EFCAB8: variants seen among roughly 807,000 people sequenced by gnomAD.
The protein encoded by EFCAB8 is EF-hand calcium-binding domain-containing protein 8.
A neutral mutation model predicts 116.3 loss-of-function variants in EFCAB8; 100 were observed. That is an observed-to-expected ratio of 0.86 (90% CI 0.73 to 1.02). The LOEUF (loss-of-function observed/expected upper bound fraction) is 1.02. Among genes scored for constraint, EFCAB8 ranks in the 50% least tolerant of loss-of-function variants. The pLI, the probability that EFCAB8 is intolerant of heterozygous loss-of-function variation, is 0.00. For missense variants in EFCAB8, 1,320 were observed against 1,416.9 expected (o/e 0.93, Z 1.10); for synonymous variants, 558 against 567.9 (o/e 0.98, Z 0.25).
intron 6 of EFCAB8, among the ~76,000 whole-genome samples, chr20:32,888,100 G>A (rs1317701345): frequency 1.3e-5 from 2 of 150,792 alleles, no homozygotes; most frequent in Non-Finnish European, 2.9e-5. Context: ...GTCTTGCTCT[G>A]TCACCCAGGC....
chr20:32,860,493 CTTTTTTTTT>C (rs71190881), intron 1 of EFCAB8, among the ~76,000 whole-genome samples: 46 of 83,984 alleles, frequency 5.5e-4, no homozygotes, highest in African/African-American at 2.7e-3. Context: ...ATGGTGGTAA[CTTTTTTTTT>C]TTTTTTTTTT....
chr20:32,869,793 T>C (rs1380102255), intron 3 of EFCAB8, among the ~76,000 whole-genome samples: 1 of 152,216 alleles, frequency 6.6e-6, no homozygotes, highest in Non-Finnish European at 1.5e-5. Context: ...TACTTTTCAC[T>C]TAATGCTAAT....
intron 22 of EFCAB8, among the ~76,000 whole-genome samples, chr20:32,937,086 T>C (rs1988149306): frequency 6.6e-6 from 1 of 152,066 alleles, no homozygotes; most frequent in African/African-American, 2.4e-5. Flanking sequence ...TAATTTTATA[T>C]TGTATTTATT....
At chr20:32,939,125 C>CCCTTTCTT (rs779654750) in intron 22 of EFCAB8, among the ~76,000 whole-genome samples, 1,229 of 56,592 alleles carry the variant, frequency 0.022, 200 homozygotes, top group Middle Eastern at 0.08. Flanking sequence ...CTCTTTCTTT[C>CCCTTTCTT]TCTTTCTTTC....
In EFCAB8 at chr20:32,917,329, T is replaced by G; in HGVS notation, c.1885T>G (p.Cys629Gly). The change falls in exon 18 of 27, where the codon TGC (cysteine) becomes GGC (glycine). Residue 629 changes from cysteine to glycine, a missense_variant. Cys to Gly is a radical substitution (Grantham distance 159). Transcript: ENST00000400522. ...CCACAAGACCAAGCCAGTGCTCTTG[T>G]GCTACCACTGGCAGACCTACCACAC... ...LFHKTKPVLL[C>G]YHWQTYHTED... is the part of the protein sequence containing the mutation. 16 of 1,551,714 alleles carry G rather than the reference T, an allele frequency of 1.0e-5. No homozygotes were observed. Among genetic ancestry groups the G allele is most frequent in the Non-Finnish European group, 1.2e-5 (14 of 1,146,984 alleles).
chr20:32,919,468 G>A (rs2146259648), intron 19 of EFCAB8, among the ~76,000 whole-genome samples: 1 of 152,188 alleles, frequency 6.6e-6, no homozygotes, highest in African/African-American at 2.4e-5. Flanking sequence ...GGAAATGGGT[G>A]CATAGGTATA....
chr20:32,917,546 A>T, intron 18 of EFCAB8, 41 bp downstream of exon 18: 1 of 1,090,164 alleles, frequency 9.2e-7, no homozygotes. Flanking sequence ...CCCTTCTCTC[A>T]GCTGTGAACC....
chr20:32,899,721 C>T (rs1000890611), intron 11 of EFCAB8, among the ~76,000 whole-genome samples: 7 of 152,020 alleles, frequency 4.6e-5, no homozygotes, highest in Non-Finnish European at 4.4e-5. Flanking sequence ...ATTACAGGCA[C>T]GCACCACCAT....
At chr20:32,904,318 G>T (rs62207460) in intron 11 of EFCAB8, among the ~76,000 whole-genome samples, 5,487 of 148,962 alleles carry the variant, frequency 0.037, 121 homozygotes, top group East Asian at 0.081. Flanking sequence ...TGTTTTTTTC[G>T]TGGACAGGTT....
intron 11 of EFCAB8, among the ~76,000 whole-genome samples, chr20:32,903,170 G>T (rs1161154633): frequency 6.6e-6 from 1 of 152,148 alleles, no homozygotes; most frequent in Non-Finnish European, 1.5e-5. Flanking sequence ...GTCCTCTCAT[G>T]CCCTCTCCTC....
intron 11 of EFCAB8, among the ~76,000 whole-genome samples, chr20:32,902,892 G>A (rs1306663960): frequency 1.3e-5 from 2 of 152,162 alleles, no homozygotes; most frequent in Non-Finnish European, 2.9e-5. Flanking sequence ...GTGGTAGCAG[G>A]AGCCGGTGCT....
chr20:32,904,256 G>T (rs1986567900), intron 11 of EFCAB8, among the ~76,000 whole-genome samples: 1 of 150,556 alleles, frequency 6.6e-6, no homozygotes, highest in Non-Finnish European at 1.5e-5. Context: ...ACCTGCCAAA[G>T]TGCTGGGATT....
At chr20:32,876,724 T>C (rs924050661) in intron 4 of EFCAB8, among the ~76,000 whole-genome samples, 3 of 152,268 alleles carry the variant, frequency 2.0e-5, no homozygotes, top group Middle Eastern at 3.4e-3. Flanking sequence ...CCTAGCACTT[T>C]GGGAGGCCAA....
At chr20:32,891,706 C>T (rs928321485) in intron 7 of EFCAB8, among the ~76,000 whole-genome samples, 2 of 152,140 alleles carry the variant, frequency 1.3e-5, no homozygotes, top group African/African-American at 4.8e-5. Context: ...CTGGGGTGGC[C>T]GGCCACGTAG....
chr20:32,941,618 A>G (rs1485634383), intron 22 of EFCAB8, among the ~76,000 whole-genome samples: 1 of 152,230 alleles, frequency 6.6e-6, no homozygotes, highest in Non-Finnish European at 1.5e-5. Context: ...CAACCACAAA[A>G]TACCATATAT....
chr20:32,918,272 G>A, intron 18 of EFCAB8, 90 bp from the exon 19 acceptor site: 1 of 1,306,014 alleles, frequency 7.7e-7, no homozygotes, highest in Non-Finnish European at 1.1e-6. Flanking sequence ...GGGCTGGAGG[G>A]CCCTGTGGTG....
chr20:32,894,271 T>C (rs1255470411), intron 9 of EFCAB8, among the ~76,000 whole-genome samples: 1 of 152,204 alleles, frequency 6.6e-6, no homozygotes, highest in African/African-American at 2.4e-5. Flanking sequence ...TTCCCAGGCC[T>C]TGGTAACAGG....
At chr20:32,867,837 T>C in intron 3 of EFCAB8, 90 bp downstream of exon 3, 2 of 1,398,744 alleles carry the variant, frequency 1.4e-6, no homozygotes, top group Non-Finnish European at 1.9e-6. Flanking sequence ...TCAGACATAA[T>C]AAGCATTTTT....
At chr20:32,867,787 G>C in intron 3 of EFCAB8, 40 bp downstream of exon 3, 3 of 1,542,956 alleles carry the variant, frequency 1.9e-6, no homozygotes, top group Non-Finnish European at 2.6e-6. Flanking sequence ...TGTGAGTTCT[G>C]CAACAGGGCA....
Sources: allele counts gnomAD v4.1 joint callset (sites outside exome capture counted in the v4.1 genomes callset), GRCh38; gene constraint gnomAD v4.1.1; transcripts MANE v1.5; gene names NCBI Gene and HGNC (gene_info 2026-07-23, HGNC 2026-07-21).